DLGAP2: variants seen among roughly 807,000 people sequenced by gnomAD.
The protein encoded by DLGAP2 is DLG associated protein 2.
DLGAP2 carries 26 observed loss-of-function variants against 100.3 expected under a neutral mutation model. The observed-to-expected ratio is 0.26, with a 90% CI of 0.19 to 0.36. The LOEUF (loss-of-function observed/expected upper bound fraction) is 0.36, where lower values mean the gene tolerates loss of function less well. Among genes scored for constraint, DLGAP2 ranks in the 10% least tolerant of loss-of-function variants. The pLI is 1.00. For missense variants in DLGAP2, 1,858 were observed against 1,453.2 expected, an observed-to-expected ratio of 1.28 and a Z score of -4.53; for synonymous variants, 886 against 630.1, an observed-to-expected ratio of 1.41 and a Z score of -6.08.
chr8:935,036 G>T (rs1328817922), intron 2 of DLGAP2, among the ~76,000 whole-genome samples: 3 of 152,180 alleles, frequency 2.0e-5, no homozygotes, highest in Non-Finnish European at 4.4e-5. Context: ...ACTGGGAAGG[G>T]CACAATACCT....
intron 3 of DLGAP2, among the ~76,000 whole-genome samples, chr8:1,284,202 G>T (rs1407724113): frequency 6.6e-6 from 1 of 152,214 alleles, no homozygotes; most frequent in Non-Finnish European, 1.5e-5. Context: ...CTCTGTGGTT[G>T]CCAGTGGTCA....
At chr8:1,292,085 T>C (rs1459888519) in intron 3 of DLGAP2, among the ~76,000 whole-genome samples, 1 of 152,152 alleles carries the variant, frequency 6.6e-6, no homozygotes, top group Non-Finnish European at 1.5e-5. Flanking sequence ...TGAAGACAGA[T>C]GAATTGTGGT....
chr8:1,037,441 A>AC (rs1247792455), intron 2 of DLGAP2, among the ~76,000 whole-genome samples: 1 of 151,650 alleles, frequency 6.6e-6, no homozygotes, highest in Non-Finnish European at 1.5e-5. Flanking sequence ...CAGCTCCTGC[A>AC]CCCCCAGGGC....
chr8:1,308,629 G>T lies in DLGAP2; in HGVS notation c.106+49746G>T, dbSNP rs1206672978. ...CAACCTCAACCTCCTGGGTTCAAGT[G>T]ATTCTCCTGCCTCAGCCTCCTGACT... On this transcript the variant is annotated intron_variant, in intron 3 of 14. Transcript: ENST00000637795. Among the ~76,000 whole-genome samples, 10 of 152,292 alleles carry T rather than the reference G, an allele frequency of 6.6e-5. No individual in the cohort carries two copies. The East Asian group carries it at 1.7e-3, about 27-fold the overall frequency.
At chr8:868,615 C>T (rs1036824478) in intron 1 of DLGAP2, among the ~76,000 whole-genome samples, 13 of 152,344 alleles carry the variant, frequency 8.5e-5, no homozygotes, top group African/African-American at 2.6e-4. Context: ...CTGCAGGTTA[C>T]GTTAGTGTCT....
intron 2 of DLGAP2, among the ~76,000 whole-genome samples, chr8:918,408 T>C (rs777282248): frequency 4.6e-5 from 7 of 152,256 alleles, no homozygotes; most frequent in Non-Finnish European, 8.8e-5. Context: ...TTAGATGGGC[T>C]TTTATAACCA....
At chr8:1,149,813 A>T (rs931466162) in intron 2 of DLGAP2, among the ~76,000 whole-genome samples, 6 of 152,062 alleles carry the variant, frequency 3.9e-5, no homozygotes, top group African/African-American at 1.2e-4. Context: ...TTGACTCGTC[A>T]CTTTCACTTT....
At chr8:1,311,686 C>G (rs1289108752) in intron 3 of DLGAP2, among the ~76,000 whole-genome samples, 1 of 148,728 alleles carries the variant, frequency 6.7e-6, no homozygotes, top group Admixed American at 6.8e-5. Flanking sequence ...CTGACAAAAT[C>G]TCATAACTGT....
intron 6 of DLGAP2, among the ~76,000 whole-genome samples, chr8:1,597,418 G>T (rs1383472828): frequency 6.6e-6 from 1 of 151,916 alleles, no homozygotes; most frequent in Non-Finnish European, 1.5e-5. Context: ...GTCAATGGGA[G>T]CTTGATGGGG....
At chr8:1,249,255 G>C (rs1400854472) in intron 2 of DLGAP2, among the ~76,000 whole-genome samples, 1 of 152,174 alleles carries the variant, frequency 6.6e-6, no homozygotes, top group Non-Finnish European at 1.5e-5. Flanking sequence ...CAGAATGGCA[G>C]ACTCAGAAAT....
At chr8:1,136,189 C>A (rs1452157878) in intron 2 of DLGAP2, among the ~76,000 whole-genome samples, 3 of 152,144 alleles carry the variant, frequency 2.0e-5, no homozygotes, top group Non-Finnish European at 2.9e-5. Context: ...GGGACACCTG[C>A]CTTTGAAGAC....
At chr8:1,690,869 A>AT (rs1346118579) in intron 12 of DLGAP2, among the ~76,000 whole-genome samples, 3 of 152,072 alleles carry the variant, frequency 2.0e-5, no homozygotes, top group Admixed American at 1.3e-4. Context: ...GGGTACATGG[A>AT]TTGGTGAGTT....
chr8:977,140 C>T (rs1374025080), intron 2 of DLGAP2, among the ~76,000 whole-genome samples: 1 of 152,244 alleles, frequency 6.6e-6, no homozygotes, highest in Non-Finnish European at 1.5e-5. Flanking sequence ...TTCTTCACCT[C>T]TCTCACTTTC....
chr8:1,430,159 C>T (rs2096322824), intron 3 of DLGAP2, among the ~76,000 whole-genome samples: 2 of 150,712 alleles, frequency 1.3e-5, no homozygotes, highest in African/African-American at 2.4e-5. Flanking sequence ...GGTTTCAGCA[C>T]TCACTTTAAA....
rs574917329 is a variant in DLGAP2 at position 1,325,201 on chromosome 8, C to T, written c.106+66318C>T. On this transcript the variant is annotated intron_variant, in intron 3 of 14. Coordinates refer to ENST00000637795, the MANE Select transcript of DLGAP2 (RefSeq NM_001346810.2). The stretch of plus-strand genomic sequence containing the variant: ...GTAGCGGATGGTCTTCTCAGCGAGG[C>T]TGTCCTGAGATGTTCAATGTCGCAA... Among the ~76,000 whole-genome samples the T allele has an allele frequency of 1.8e-4, 28 of 152,324 alleles. No individual in the cohort carries two copies. The South Asian group carries it at 4.4e-3, about 24-fold the overall frequency.
chr8:1,507,604 G>A (rs1563190454), intron 4 of DLGAP2, among the ~76,000 whole-genome samples: 2 of 152,192 alleles, frequency 1.3e-5, no homozygotes, highest in Admixed American at 6.5e-5. Flanking sequence ...CGGCCGGAGT[G>A]GGCGCCGAGG....
chr8:1,277,856 G>A (rs1232357570), intron 3 of DLGAP2, among the ~76,000 whole-genome samples: 1 of 152,196 alleles, frequency 6.6e-6, no homozygotes, highest in Admixed American at 6.5e-5. Context: ...GACTGCACAA[G>A]GACAGTTAGG....
chr8:1,658,445 G>C (rs1318257311), intron 8 of DLGAP2, among the ~76,000 whole-genome samples: 4 of 152,104 alleles, frequency 2.6e-5, no homozygotes, highest in African/African-American at 9.7e-5. Context: ...GTGCAGTTTT[G>C]TTACGTAGGC....
intron 8 of DLGAP2, among the ~76,000 whole-genome samples, chr8:1,664,352 A>C (rs771328798): frequency 6.6e-6 from 1 of 151,916 alleles, no homozygotes; most frequent in African/African-American, 2.4e-5. Context: ...AGCTCCATCC[A>C]TCTCAAGGCA....
Sources: gnomAD v4.1 joint callset for allele counts (sites outside exome capture counted in the v4.1 genomes callset) on GRCh38, gnomAD v4.1.1 for gene constraint, MANE v1.5 for transcripts, NCBI Gene and HGNC (gene_info 2026-07-23, HGNC 2026-07-21) for gene names.